CBR4: variants seen among roughly 807,000 people sequenced by gnomAD.
The protein encoded by CBR4 is carbonyl reductase 4, also known as 3-oxoacyl-[acyl-carrier-protein] reductase.
A neutral mutation model predicts 21.0 loss-of-function variants in CBR4; 22 were observed. That is an observed-to-expected ratio of 1.05 (90% CI 0.75 to 1.50). CBR4 has a LOEUF of 1.50. Ranked by LOEUF, CBR4 falls within the 40% of genes most tolerant of loss-of-function variation. The pLI is 0.00. For missense variants in CBR4, 302 were observed against 286.3 expected (o/e 1.05, Z -0.40); for synonymous variants, 100 against 104.4 (o/e 0.96, Z 0.26).
chr4:168,909,353 T>C (rs1758438157), intron 2 of CBR4, among the ~76,000 whole-genome samples: 2 of 152,192 alleles, frequency 1.3e-5, no homozygotes, highest in Admixed American at 1.3e-4. Flanking sequence ...CTATGAAATA[T>C]AAATGTTATT....
intron 2 of CBR4, among the ~76,000 whole-genome samples, chr4:168,935,262 C>T (rs1259464373): frequency 6.6e-6 from 1 of 152,208 alleles, no homozygotes; most frequent in African/African-American, 2.4e-5. Context: ...CACGCTTTTC[C>T]CACGGTTTTT....
At chr4:168,979,995 C>A (rs1228705129) in intron 2 of CBR4, among the ~76,000 whole-genome samples, 1 of 151,980 alleles carries the variant, frequency 6.6e-6, no homozygotes, top group Non-Finnish European at 1.5e-5. Flanking sequence ...CCAGGCAGGG[C>A]CCCCCCAGCT....
At chr4:168,929,829 T>C (rs533255245) in intron 2 of CBR4, among the ~76,000 whole-genome samples, 3 of 152,316 alleles carry the variant, frequency 2.0e-5, no homozygotes, top group South Asian at 4.1e-4. Context: ...ACCTGGCACA[T>C]AGTAAGAGCT....
chr4:168,931,817 T>TA (rs1762977423), intron 2 of CBR4, among the ~76,000 whole-genome samples: 1 of 152,070 alleles, frequency 6.6e-6, no homozygotes, highest in African/African-American at 2.4e-5. Context: ...ACTGGGCACT[T>TA]ACAAACATCA....
chr4:168,947,818 T>A (rs1763434244), intron 2 of CBR4, among the ~76,000 whole-genome samples: 1 of 152,200 alleles, frequency 6.6e-6, no homozygotes, highest in Non-Finnish European at 1.5e-5. Context: ...TTTGCAATTG[T>A]GAATTATGCT....
intron 2 of CBR4, among the ~76,000 whole-genome samples, chr4:168,920,869 G>A (rs1041304065): frequency 1.3e-5 from 2 of 152,170 alleles, no homozygotes; most frequent in African/African-American, 4.8e-5. Context: ...AATGCCAGCT[G>A]AGTATTTGTT....
chr4:168,901,354 C>A (rs193211514), intron 2 of CBR4, among the ~76,000 whole-genome samples: 2 of 152,286 alleles, frequency 1.3e-5, no homozygotes, highest in East Asian at 3.9e-4. Context: ...TTACCCTGTT[C>A]TCGTGCTTGT....
At chr4:168,928,464 T>C (rs753627098) in intron 2 of CBR4, 14 of 175,942 alleles carry the variant, frequency 8.0e-5, no homozygotes, top group Non-Finnish European at 1.5e-4. Context: ...TTTAGTTTTC[T>C]GTTGCTGCCA....
At chr4:168,903,215 C>T (rs1381584197) in intron 2 of CBR4, among the ~76,000 whole-genome samples, 2 of 152,206 alleles carry the variant, frequency 1.3e-5, no homozygotes, top group South Asian at 4.2e-4. Flanking sequence ...AGTAGTATTC[C>T]ACCCATCACC....
chr4:168,919,778 C>T (rs1307422800), intron 2 of CBR4, among the ~76,000 whole-genome samples: 2 of 152,150 alleles, frequency 1.3e-5, no homozygotes, highest in African/African-American at 4.8e-5. Context: ...ACAAGCATCA[C>T]TATTTTCATG....
intron 4 of CBR4, among the ~76,000 whole-genome samples, chr4:168,998,495 A>C (rs1765310658): frequency 6.6e-6 from 1 of 152,168 alleles, no homozygotes; most frequent in Non-Finnish European, 1.5e-5. Context: ...CTGTAGATAC[A>C]GAAAGTAGTT....
At chr4:168,966,768 CA>C (rs1764049856) in intron 2 of CBR4, among the ~76,000 whole-genome samples, 1 of 151,510 alleles carries the variant, frequency 6.6e-6, no homozygotes, top group South Asian at 2.1e-4. Flanking sequence ...CCTGTAATCC[CA>C]GCACTTTGGG....
At chr4:168,996,703 T>C (rs1258867157) in intron 4 of CBR4, among the ~76,000 whole-genome samples, 1 of 152,188 alleles carries the variant, frequency 6.6e-6, no homozygotes, top group Non-Finnish European at 1.5e-5. Flanking sequence ...AATCTGTCTG[T>C]AGCTTTTTAA....
chr4:168,894,508 C>T, intron 3 of CBR4: 1 of 930,856 alleles, frequency 1.1e-6, no homozygotes, highest in Non-Finnish European at 1.7e-6. Context: ...GTTTTTTACT[C>T]TTTTTCATAG....
chr4:168,912,931 T>A (rs1322606285), intron 2 of CBR4, among the ~76,000 whole-genome samples: 1 of 152,214 alleles, frequency 6.6e-6, no homozygotes, highest in South Asian at 2.1e-4. Flanking sequence ...TAGGTTTTTT[T>A]AATTACATAG....
intron 4 of CBR4, among the ~76,000 whole-genome samples, chr4:168,996,625 T>C (rs1317284704): frequency 1.3e-5 from 2 of 152,214 alleles, no homozygotes; most frequent in African/African-American, 4.8e-5. Context: ...TTCTACAGGT[T>C]TGGACAAATG....
Position 168,990,222 on chromosome 4 carries a change from C to T in CBR4, c.642G>A (p.Val214=), listed in dbSNP as rs144487578. The T allele has an allele frequency of 1.9e-6, 3 of 1,613,512 alleles. No homozygotes were observed. The highest frequency in any genetic ancestry group is 2.5e-6 in the Non-Finnish European group (3 of 1,179,696). The change falls in exon 5 of 5, where the codon GTG becomes GTA. Residue 214 remains valine (V), a synonymous_variant. Transcript: ENST00000306193. ...GETIEVAHAV[V]FLLESPYITG... is the part of the protein sequence containing the mutation. ...TAATATACGGTGATTCTAAAAGAAA[C>T]ACAACCGCATGTGCCACCTCAATAG...
At chr4:168,908,780 C>T (rs370160960) in intron 2 of CBR4, among the ~76,000 whole-genome samples, 9 of 152,190 alleles carry the variant, frequency 5.9e-5, no homozygotes, top group South Asian at 4.2e-4. Context: ...GAAACACAGA[C>T]GGTAGAGCTC....
chr4:168,922,140 C>T (rs1353504355), intron 2 of CBR4, among the ~76,000 whole-genome samples: 4 of 129,630 alleles, frequency 3.1e-5, no homozygotes, highest in Non-Finnish European at 5.2e-5. Context: ...CACACACACA[C>T]ACACCTGGTT....
Sources: allele counts gnomAD v4.1 joint callset (sites outside exome capture counted in the v4.1 genomes callset), GRCh38; gene constraint gnomAD v4.1.1; transcripts MANE v1.5; gene names NCBI Gene and HGNC (gene_info 2026-07-23, HGNC 2026-07-21).